The following RGS7 variants were observed in gnomAD, a reference collection of about 807,000 sequenced individuals.
RGS7 encodes regulator of G protein signaling 7, also known as regulator of G-protein signaling 7.
RGS7 carries 27 observed loss-of-function variants against 81.1 expected under a neutral mutation model. That is an observed-to-expected ratio of 0.33 (90% CI 0.25 to 0.46). The LOEUF (loss-of-function observed/expected upper bound fraction) is 0.46, where lower values mean the gene tolerates loss of function less well. Ranked by LOEUF, RGS7 falls within the 20% of genes least tolerant of loss-of-function variation. The pLI, the probability that RGS7 is intolerant of heterozygous loss-of-function variation, is 1.00. For missense variants in RGS7, 396 were observed against 607.4 expected, an observed-to-expected ratio of 0.65 and a Z score of 3.66; for synonymous variants, 208 against 207.7, an observed-to-expected ratio of 1.00 and a Z score of -0.01.
chr1:240,828,206 C>A lies in RGS7; in HGVS notation c.610-1034G>T, dbSNP rs374333989. 1.2e-4 allele frequency among the ~76,000 whole-genome samples: 18 copies of A among 152,220 alleles called. No individual in the cohort carries two copies. The South Asian group carries it at 1.2e-3, about 11-fold the overall frequency. On this transcript the variant is annotated intron_variant, in intron 9 of 18. Transcript: ENST00000440928. ...AGGCAGCCTGCTGTTAGCTTCCTGA[C>A]AACCTCAGGTGTCTCATTTGTCAGA... is the stretch of plus-strand genomic sequence containing the variant.
intron 3 of RGS7, among the ~76,000 whole-genome samples, chr1:241,005,642 C>T (rs550048931): frequency 5.7e-4 from 86 of 152,068 alleles, no homozygotes; most frequent in Non-Finnish European, 1.1e-3. Flanking sequence ...TCAAGCAATT[C>T]TCCTGCCTCA....
At chr1:240,864,258 T>A (rs1445599156) in intron 9 of RGS7, among the ~76,000 whole-genome samples, 1 of 152,194 alleles carries the variant, frequency 6.6e-6, no homozygotes, top group African/African-American at 2.4e-5. Flanking sequence ...ATGATACCTT[T>A]CTATATTATA....
At chr1:240,953,133 A>G (rs1390211701) in intron 4 of RGS7, among the ~76,000 whole-genome samples, 2 of 151,954 alleles carry the variant, frequency 1.3e-5, no homozygotes, top group Non-Finnish European at 3.0e-5. Flanking sequence ...ACAAACTTCA[A>G]CACCACTTTT....
chr1:241,036,372 C>T (rs905759284), intron 3 of RGS7, among the ~76,000 whole-genome samples: 2 of 152,138 alleles, frequency 1.3e-5, no homozygotes, highest in African/African-American at 4.8e-5. Context: ...TGATTTATAA[C>T]AGATTTTATT....
rs369155474 is a variant in RGS7, at chr1:240,955,551, C to CAAAAAAAAAAAAAAAAAAAA, written c.227-18865_227-18846dup. On this transcript the variant is annotated intron_variant, in intron 4 of 18. Coordinates refer to ENST00000440928, the MANE Select transcript of RGS7 (RefSeq NM_001364886.1). ...TGGGCGGCAGAGCAAGACTCTGTCT[C>CAAAAAAAAAAAAAAAAAAAA]AAAAAAAAAAAAAAAAAAAAAAAAA... is the stretch of plus-strand genomic sequence containing the variant. Among the ~76,000 whole-genome samples the CAAAAAAAAAAAAAAAAAAAA allele has an allele frequency of 2.9e-4, 41 of 140,284 alleles. 1 individual carries two copies. Among genetic ancestry groups the CAAAAAAAAAAAAAAAAAAAA allele is most frequent in the South Asian group, 4.6e-4 (2 of 4,350 alleles). The allele number at this position is 140,284 out of a possible 152,430, so 92.0% of individuals were successfully genotyped here.
At chr1:241,094,238 A>ACACACACACAC (rs2064091055) in intron 3 of RGS7, among the ~76,000 whole-genome samples, 1 of 136,382 alleles carries the variant, frequency 7.3e-6, no homozygotes, top group African/African-American at 2.6e-5. Flanking sequence ...GACATACATA[A>ACACACACACAC]ACACACACAC....
At chr1:240,971,619 C>A (rs372852003) in intron 4 of RGS7, among the ~76,000 whole-genome samples, 1 of 152,100 alleles carries the variant, frequency 6.6e-6, no homozygotes, top group Admixed American at 6.5e-5. Flanking sequence ...ATAAAATGCA[C>A]GTTTGCAAGA....
At chr1:241,024,890 T>C (rs896400569) in intron 3 of RGS7, among the ~76,000 whole-genome samples, 2 of 152,186 alleles carry the variant, frequency 1.3e-5, no homozygotes, top group Non-Finnish European at 2.9e-5. Context: ...TCAAAGAGAT[T>C]GCTGATTGCA....
At chr1:241,021,685 T>A (rs2059544260) in intron 3 of RGS7, among the ~76,000 whole-genome samples, 1 of 152,194 alleles carries the variant, frequency 6.6e-6, no homozygotes, top group Non-Finnish European at 1.5e-5. Flanking sequence ...TTGGCTGGAA[T>A]CTAATGCCTT....
At chr1:240,944,280 G>GTGTGTA (rs1558505154) in intron 4 of RGS7, among the ~76,000 whole-genome samples, 10 of 21,192 alleles carry the variant, frequency 4.7e-4, no homozygotes, top group Non-Finnish European at 9.6e-4. Context: ...GTGTGTGTGT[G>GTGTGTA]TGTATATATA....
chr1:240,953,136 C>T (rs897924433), intron 4 of RGS7, among the ~76,000 whole-genome samples: 4 of 151,830 alleles, frequency 2.6e-5, no homozygotes, highest in Non-Finnish European at 5.9e-5. Flanking sequence ...AACTTCAACA[C>T]CACTTTTTCA....
At position 241,271,937 on chromosome 1, in the gene RGS7, AC is replaced by A. The variant is rs2077926203; in HGVS notation, c.78+83761del. Among the ~76,000 whole-genome samples the A allele has an allele frequency of 6.8e-6, 1 of 147,348 alleles. No individual in the cohort carries two copies. The highest frequency in any genetic ancestry group is 6.8e-5 in the Admixed American group (1 of 14,746). On this transcript the variant is annotated intron_variant, in intron 2 of 18. Coordinates refer to ENST00000440928, the MANE Select transcript of RGS7 (RefSeq NM_001364886.1). The surrounding 1 kb of genome is among the most constrained non-coding windows in gnomAD (Gnocchi z 4.6). ...TGTGTGTGTGTGTGTGTGTGTAGAC[AC>A]ACTATTGGTTCTGTTTCTCTGGAGA... is the stretch of plus-strand genomic sequence containing the variant.
chr1:241,322,471 C>A (rs945671946), intron 2 of RGS7, among the ~76,000 whole-genome samples: 2 of 152,202 alleles, frequency 1.3e-5, no homozygotes, highest in African/African-American at 2.4e-5. Context: ...TCTCTAATAG[C>A]AGCTTATCTG....
chr1:241,138,208 A>C lies in RGS7; in HGVS notation c.79-39446T>G, dbSNP rs183988706. ...AAAAAAAAAAAAGAGGAAATTAGGG[A>C]ATAACAAACTAAACCATAATCAAGC... On this transcript the variant is annotated intron_variant, in intron 2 of 18. Transcript: ENST00000440928. 1.3e-4 allele frequency among the ~76,000 whole-genome samples: 19 copies of C among 151,806 alleles called. No homozygotes were observed. In the East Asian group the frequency reaches 3.3e-3, roughly 26 times the overall value.
At chr1:240,926,704 C>G (rs916520448) in intron 6 of RGS7, among the ~76,000 whole-genome samples, 1 of 152,184 alleles carries the variant, frequency 6.6e-6, no homozygotes, top group Admixed American at 6.5e-5. Context: ...AGTGCTGGAT[C>G]TCTCTTGATG....
At chr1:240,904,968 A>T (rs1270904855) in intron 6 of RGS7, among the ~76,000 whole-genome samples, 1 of 152,202 alleles carries the variant, frequency 6.6e-6, no homozygotes, top group Admixed American at 6.5e-5. Flanking sequence ...CCAGTAGCTA[A>T]CACTTTTGCC....
intron 18 of RGS7, among the ~76,000 whole-genome samples, chr1:240,789,671 G>A (rs552260455): frequency 4.3e-4 from 66 of 152,214 alleles, no homozygotes; most frequent in Non-Finnish European, 8.5e-4. Flanking sequence ...GGAAATTACT[G>A]CCTAATAAAT....
intron 6 of RGS7, among the ~76,000 whole-genome samples, chr1:240,928,366 C>T (rs571378716): frequency 2.0e-5 from 3 of 152,200 alleles, no homozygotes; most frequent in South Asian, 2.1e-4. Context: ...GACCCTTTCA[C>T]GGAACAATGT....
intron 6 of RGS7, among the ~76,000 whole-genome samples, chr1:240,881,855 T>A (rs1000239669): frequency 1.6e-4 from 24 of 152,160 alleles, no homozygotes; most frequent in African/African-American, 5.8e-4. Context: ...TATACCTTGA[T>A]AAAAGAAGAT....
Sources: allele counts gnomAD v4.1 joint callset (sites outside exome capture counted in the v4.1 genomes callset), GRCh38; gene constraint gnomAD v4.1.1; non-coding constraint Gnocchi (gnomAD v3.1); transcripts MANE v1.5; gene names NCBI Gene and HGNC (gene_info 2026-07-23, HGNC 2026-07-21).